The following EPS15L1 variants were observed in gnomAD, a reference collection of about 807,000 sequenced individuals.
EPS15L1 encodes epidermal growth factor receptor pathway substrate 15 like 1, also known as epidermal growth factor receptor substrate 15-like 1.
EPS15L1 carries 43 observed loss-of-function variants against 117.1 expected under a neutral mutation model. The observed-to-expected ratio is 0.37, with a 90% CI of 0.29 to 0.47. The LOEUF is 0.47. Among genes scored for constraint, EPS15L1 ranks in the 20% least tolerant of loss-of-function variants. The pLI, the probability that EPS15L1 is intolerant of heterozygous loss-of-function variation, is 0.99. For missense variants in EPS15L1, 981 were observed against 1,164.0 expected (o/e 0.84, Z 2.29); for synonymous variants, 459 against 470.5 (o/e 0.98, Z 0.32).
chr19:16,449,348 T>C (rs555665294), intron 1 of EPS15L1, among the ~76,000 whole-genome samples: 20 of 152,176 alleles, frequency 1.3e-4, no homozygotes, highest in Non-Finnish European at 2.9e-4. Flanking sequence ...AAAGAGGAAA[T>C]ATAGCAGATG....
intron 19 of EPS15L1, among the ~76,000 whole-genome samples, chr19:16,386,521 A>G (rs936380871): frequency 2.6e-5 from 4 of 152,222 alleles, no homozygotes; most frequent in African/African-American, 4.8e-5. Flanking sequence ...GAGAATTTGA[A>G]TGTGGCAGAA....
At chr19:16,422,991 G>A (rs2092833074) in intron 9 of EPS15L1, among the ~76,000 whole-genome samples, 1 of 151,612 alleles carries the variant, frequency 6.6e-6, no homozygotes, top group Non-Finnish European at 1.5e-5. Flanking sequence ...ATTTCTCAAA[G>A]AGTTCTCACA....
intron 22 of EPS15L1, among the ~76,000 whole-genome samples, chr19:16,362,870 G>A (rs529945306): frequency 1.9e-4 from 29 of 152,220 alleles, no homozygotes; most frequent in Admixed American, 7.2e-4. Context: ...AAGGGGCAGC[G>A]TTTATCTGGG....
intron 13 of EPS15L1, among the ~76,000 whole-genome samples, chr19:16,410,757 T>A (rs961879575): frequency 1.3e-5 from 2 of 151,412 alleles, no homozygotes; most frequent in African/African-American, 2.4e-5. Context: ...CAAAAAAAAA[T>A]TAAAAATTAG....
At chr19:16,414,832 C>T (rs1296495762) in intron 12 of EPS15L1, among the ~76,000 whole-genome samples, 2 of 151,856 alleles carry the variant, frequency 1.3e-5, no homozygotes, top group African/African-American at 4.8e-5. Flanking sequence ...ACCTTAGCCT[C>T]CTGAGTAGCT....
In EPS15L1 at chr19:16,361,965, G is replaced by C. The variant is rs1195077470; in HGVS notation, c.2400C>G (p.Ser800Arg). The C allele has an allele frequency of 6.2e-7, 1 of 1,605,240 alleles. No individual in the cohort carries two copies. The highest frequency in any genetic ancestry group is 1.7e-5 in the Admixed American group (1 of 57,328). ...CGGGAAAGTCTGCGGAACCAAGCTG[G>C]CTTACAGGTGTACTTTTACCTGGAA... ...KPPSGKSTPV[S>R]QLGSADFPEA... The change falls in exon 23 of 24, where the codon AGC (serine) becomes AGG (arginine). Residue 800 changes from serine to arginine, a missense_variant. Ser to Arg is a moderately radical substitution (Grantham distance 110). Coordinates refer to ENST00000455140, the MANE Select transcript of EPS15L1 (RefSeq NM_001258374.3).
At chr19:16,407,741 C>T (rs1469478953) in intron 13 of EPS15L1, among the ~76,000 whole-genome samples, 1 of 152,200 alleles carries the variant, frequency 6.6e-6, no homozygotes, top group African/African-American at 2.4e-5. Flanking sequence ...AGTTTCTCCC[C>T]CATTTAGGAA....
intron 22 of EPS15L1, among the ~76,000 whole-genome samples, chr19:16,368,840 T>C (rs2092177609): frequency 6.6e-6 from 1 of 152,218 alleles, no homozygotes; most frequent in South Asian, 2.1e-4. Context: ...ACAACTGTCA[T>C]TCATCCTACA....
intron 8 of EPS15L1, among the ~76,000 whole-genome samples, chr19:16,427,063 T>C (rs891918854): frequency 1.3e-5 from 2 of 151,914 alleles, no homozygotes; most frequent in African/African-American, 4.8e-5. Context: ...CGTGCAGCAG[T>C]GGGAAGGGCG....
intron 22 of EPS15L1, among the ~76,000 whole-genome samples, chr19:16,366,936 C>T (rs755262424): frequency 2.0e-5 from 3 of 151,968 alleles, no homozygotes; most frequent in Non-Finnish European, 4.4e-5. Context: ...TCGTTTTTTC[C>T]GATTTTGTGA....
chr19:16,443,002 G>A (rs1262315346), intron 1 of EPS15L1, among the ~76,000 whole-genome samples: 1 of 152,216 alleles, frequency 6.6e-6, no homozygotes, highest in Non-Finnish European at 1.5e-5. Context: ...CAGGGAAGGG[G>A]AGGGACACCC....
Position 16,386,159 on chromosome 19 carries a change from C to T in EPS15L1, c.2164+12G>A. 6.2e-7 allele frequency: 1 copy of T among 1,603,354 alleles called. No homozygotes were observed. Among genetic ancestry groups the T allele is most frequent in the Non-Finnish European group, 8.5e-7 (1 of 1,170,908 alleles). ...GGAATAGTCAGGAAGAAAAATAAGT[C>T]ATGGGTCTCACCTGATCCTTTTGAG... On this transcript the variant is annotated intron_variant, in intron 20 of 23. Transcript: ENST00000455140.
chr19:16,461,773 T>C (rs889360705), intron 1 of EPS15L1, among the ~76,000 whole-genome samples: 5 of 152,212 alleles, frequency 3.3e-5, no homozygotes, highest in African/African-American at 1.2e-4. Flanking sequence ...GCCCCAGCCC[T>C]GGTGGTGCCC....
chr19:16,459,853 G>A (rs1358398119), intron 1 of EPS15L1, among the ~76,000 whole-genome samples: 3 of 152,174 alleles, frequency 2.0e-5, no homozygotes, highest in Non-Finnish European at 4.4e-5. Context: ...AGTCCTTATA[G>A]CCTGCCCTGC....
rs1316109073 is a variant in EPS15L1 at position 16,441,885 on chromosome 19, CA to C, written c.165+6del. On this transcript the variant is annotated splice_donor_region_variant and intron_variant, in intron 3 of 23. Transcript: ENST00000455140. ...CAGAAGAGAAATCACTATTCATCTT[CA>C]CATACCTTCCCAAGGATAATGTCCG... The C allele has an allele frequency of 6.2e-7, 1 of 1,609,514 alleles. No individual in the cohort carries two copies. Among genetic ancestry groups the C allele is most frequent in the African/African-American group, 1.3e-5 (1 of 74,934 alleles).
chr19:16,355,502 G>T lies in EPS15L1; in HGVS notation c.*203C>A. On this transcript the variant is annotated 3_prime_UTR_variant, in exon 24 of 24. Coordinates refer to ENST00000455140, the MANE Select transcript of EPS15L1 (RefSeq NM_001258374.3). ...AGTGGAGAGACGGACCTGCAGAAGT[G>T]GTGGCCAAGGCCTCTGTAAGGGCTT... The T allele has an allele frequency of 1.7e-6, 1 of 603,632 alleles. No individual in the cohort carries two copies. The highest frequency in any genetic ancestry group is 1.8e-5 in the African/African-American group (1 of 54,282). The allele number at this position is 603,632 out of a possible 1,614,324, so 37.4% of individuals were successfully genotyped here. A position where few individuals can be genotyped will look rare whatever the true frequency, so the allele number is the denominator to read the frequency against.
intron 22 of EPS15L1, among the ~76,000 whole-genome samples, chr19:16,373,288 G>A (rs1044754158): frequency 2.0e-5 from 3 of 152,106 alleles, no homozygotes; most frequent in Non-Finnish European, 2.9e-5. Context: ...CACGCATCTC[G>A]CGCAAAGCCC....
intron 16 of EPS15L1, among the ~76,000 whole-genome samples, chr19:16,398,077 G>C (rs549725393): frequency 3.9e-5 from 6 of 152,198 alleles, no homozygotes; most frequent in African/African-American, 1.4e-4. Context: ...AGGTCCAAAA[G>C]AAAGTTTCCT....
chr19:16,466,915 A>G (rs909352786), intron 1 of EPS15L1, among the ~76,000 whole-genome samples: 4 of 151,992 alleles, frequency 2.6e-5, no homozygotes, highest in African/African-American at 9.7e-5. Context: ...AAAAAAAAAA[A>G]AAAAGGAAAG....
Sources: gnomAD v4.1 joint callset for allele counts (sites outside exome capture counted in the v4.1 genomes callset) on GRCh38, gnomAD v4.1.1 for gene constraint, MANE v1.5 for transcripts, NCBI Gene and HGNC (gene_info 2026-07-23, HGNC 2026-07-21) for gene names.